The following AGTPBP1 variants were observed in gnomAD, a reference collection of about 807,000 sequenced individuals.
The protein encoded by AGTPBP1 is cytosolic carboxypeptidase 1.
A neutral mutation model predicts 143.9 loss-of-function variants in AGTPBP1; 70 were observed. The observed-to-expected ratio is 0.49, with a 90% confidence interval of 0.40 to 0.59. The LOEUF is 0.59. Ranked by LOEUF, AGTPBP1 falls within the 20% of genes least tolerant of loss-of-function variation. The pLI, the probability that AGTPBP1 is intolerant of heterozygous loss-of-function variation, is 0.00. For missense variants in AGTPBP1, 1,229 were observed against 1,464.5 expected (o/e 0.84, Z 2.62); for synonymous variants, 463 against 500.2 (o/e 0.93, Z 0.99).
At chr9:85,722,878 T>C (rs1036993396) in intron 1 of AGTPBP1, among the ~76,000 whole-genome samples, 14 of 152,212 alleles carry the variant, frequency 9.2e-5, no homozygotes, top group Admixed American at 9.2e-4. Context: ...TGCTTTTTTT[T>C]TGATGTTGAT....
intron 23 of AGTPBP1, among the ~76,000 whole-genome samples, chr9:85,579,776 TG>T (rs1828131220): frequency 6.7e-6 from 1 of 150,132 alleles, no homozygotes; most frequent in South Asian, 2.1e-4. Flanking sequence ...TTATTATTAG[TG>T]GAGAAAAGAT....
the AGTPBP1 span, among the ~76,000 whole-genome samples, chr9:85,788,700 T>C: frequency 8.3e-3 from 1,241 of 149,564 alleles, 40 homozygotes; most frequent in East Asian, 0.1. Flanking sequence ...AGATATAGGG[T>C]ATACATTATA....
chr9:85,703,143 C>A (rs182386528), intron 2 of AGTPBP1, among the ~76,000 whole-genome samples: 1 of 152,284 alleles, frequency 6.6e-6, no homozygotes, highest in East Asian at 1.9e-4. Flanking sequence ...ACATGTATTG[C>A]TGAGTCTGCA....
At chr9:85,734,114 G>T (rs1319899361) in intron 1 of AGTPBP1, among the ~76,000 whole-genome samples, 1 of 152,186 alleles carries the variant, frequency 6.6e-6, no homozygotes, top group East Asian at 1.9e-4. Flanking sequence ...TTAGCTGGGC[G>T]TGGTGGCGCG....
intron 3 of AGTPBP1, among the ~76,000 whole-genome samples, chr9:85,681,537 A>T (rs1471722150): frequency 6.6e-6 from 1 of 152,116 alleles, no homozygotes. Flanking sequence ...GGCATTCTTC[A>T]CATTTCATCA....
At chr9:85,765,378 G>A in the AGTPBP1 span, among the ~76,000 whole-genome samples, 1 of 152,088 alleles carries the variant, frequency 6.6e-6, no homozygotes, top group Non-Finnish European at 1.5e-5. Flanking sequence ...TGGTTTAAAA[G>A]GCCCAATGTC....
intron 1 of AGTPBP1, among the ~76,000 whole-genome samples, chr9:85,716,934 T>C (rs1837741547): frequency 6.6e-6 from 1 of 152,218 alleles, no homozygotes; most frequent in Non-Finnish European, 1.5e-5. Flanking sequence ...ATGCACTGGC[T>C]GGGCCTCCAT....
chr9:85,762,764 G>GTT, the AGTPBP1 span, among the ~76,000 whole-genome samples: 2 of 146,386 alleles, frequency 1.4e-5, no homozygotes, highest in African/African-American at 2.5e-5. Context: ...AGAACTTAAA[G>GTT]TTATATATAT....
Position 85,572,010 on chromosome 9 carries a change from T to C in AGTPBP1, c.3503+3305A>G, listed in dbSNP as rs1051270121. On this transcript the variant is annotated intron_variant, in intron 25 of 25. Transcript: ENST00000357081. ...TTATTAGTTGTTTGTGTGTGTTTTT[T>C]TTTTTTTTTTTTTTTTTTTTTTTTT... Among the ~76,000 whole-genome samples the C allele has an allele frequency of 1.7e-3, 27 of 15,434 alleles. 1 individual carries two copies. Among genetic ancestry groups the C allele is most frequent in the South Asian group, 0.017 (4 of 238 alleles). 10.1% of individuals were successfully genotyped at this position (15,434 alleles called of 152,430 possible).
At chr9:85,599,110 A>AACACACACACACACACACACACAC (rs57074552) in intron 17 of AGTPBP1, among the ~76,000 whole-genome samples, 4 of 135,496 alleles carry the variant, frequency 3.0e-5, no homozygotes, top group African/African-American at 8.5e-5. Context: ...CTTGTCACTG[A>AACACACACACACACACACACACAC]ACACACACAC....
chr9:85,691,119 G>T (rs919669134), intron 3 of AGTPBP1, among the ~76,000 whole-genome samples: 5 of 152,256 alleles, frequency 3.3e-5, no homozygotes, highest in African/African-American at 1.2e-4. Flanking sequence ...ATTTTGCACT[G>T]ATATAACGAA....
the AGTPBP1 span, among the ~76,000 whole-genome samples, chr9:85,759,091 C>G: frequency 6.6e-6 from 1 of 152,112 alleles, no homozygotes; most frequent in African/African-American, 2.4e-5. Flanking sequence ...TGTATATGCA[C>G]CCAATACAGG....
chr9:85,584,056 C>T (rs1038793714), intron 23 of AGTPBP1, among the ~76,000 whole-genome samples: 2 of 151,926 alleles, frequency 1.3e-5, no homozygotes, highest in Non-Finnish European at 2.9e-5. Context: ...TTCCAGAGAG[C>T]AGCCTAGGGA....
intron 1 of AGTPBP1, among the ~76,000 whole-genome samples, chr9:85,713,142 C>T (rs1308614063): frequency 1.3e-5 from 2 of 152,152 alleles, no homozygotes; most frequent in African/African-American, 4.8e-5. Context: ...CAACTATTAA[C>T]CCTAAAATAC....
At chr9:85,698,621 G>A (rs1389933237) in intron 2 of AGTPBP1, among the ~76,000 whole-genome samples, 2 of 140,112 alleles carry the variant, frequency 1.4e-5, no homozygotes, top group South Asian at 2.6e-4. Context: ...ACACTGCAAA[G>A]CAGAGGAATG....
rs151285662 is a variant in AGTPBP1 at position 85,579,086 on chromosome 9, T to C, written c.3176A>G (p.Lys1059Arg). ...VEDTGYRTLP[K>R]ILSHIAPAFC... ...TGCTGGGGCGATATGGCTCAGTATC[T>C]TAGGCAATGTCTGTTAAAAACAAGA... is the stretch of plus-strand genomic sequence containing the variant. The change falls in exon 24 of 26, where the codon AAG becomes AGG. Residue 1059 changes from lysine (K) to arginine (R), a missense_variant. Lys to Arg is a conservative substitution (Grantham distance 26). This residue lies in a region of AGTPBP1 where 486 missense variants were observed against 652.3 expected (regional missense o/e 0.75). Coordinates refer to ENST00000357081, the MANE Select transcript of AGTPBP1 (RefSeq NM_001330701.2). 139 of 1,597,868 alleles carry C rather than the reference T, an allele frequency of 8.7e-5. No individual in the cohort carries two copies. The highest frequency in any genetic ancestry group is 1.1e-4 in the Non-Finnish European group (132 of 1,175,762).
chr9:85,753,301 T>G, the AGTPBP1 span: 4 of 1,613,630 alleles, frequency 2.5e-6, no homozygotes, highest in African/African-American at 4.0e-5. Flanking sequence ...TTTCTTTTTC[T>G]ATAGGAACTA....
intron 14 of AGTPBP1, among the ~76,000 whole-genome samples, chr9:85,628,838 C>G (rs775868428): frequency 2.5e-4 from 38 of 152,136 alleles, no homozygotes; most frequent in South Asian, 6.2e-4. Flanking sequence ...ACTATAGGTG[C>G]CCGAGTAACT....
the AGTPBP1 span, among the ~76,000 whole-genome samples, chr9:85,799,905 C>G: frequency 1.3e-5 from 2 of 152,166 alleles, no homozygotes; most frequent in African/African-American, 2.4e-5. Flanking sequence ...ATTGGGCTGA[C>G]TGTAAAAGAC....
Sources: gnomAD v4.1 joint callset for allele counts (sites outside exome capture counted in the v4.1 genomes callset) on GRCh38, gnomAD v4.1.1 for gene constraint, gnomAD v4.1.1 regional missense constraint, MANE v1.5 for transcripts, NCBI Gene and HGNC (gene_info 2026-07-23, HGNC 2026-07-21) for gene names.